UTS2: variants seen among roughly 807,000 people sequenced by gnomAD.
The protein encoded by UTS2 is urotensin 2.
UTS2 carries 10 observed loss-of-function variants against 12.6 expected under a neutral mutation model. The observed-to-expected ratio is 0.80, with a 90% CI of 0.49 to 1.35. UTS2 has a LOEUF of 1.35. UTS2 is among the 40% of genes most tolerant of loss of function. The pLI, the probability that UTS2 is intolerant of heterozygous loss-of-function variation, is 0.00. For synonymous variants in UTS2, 52 were observed against 50.0 expected (o/e 1.04, Z -0.17); for missense variants, 142 against 143.2 (o/e 0.99, Z 0.04).
the UTS2 span, among the ~76,000 whole-genome samples, chr1:7,866,725 G>A: frequency 6.6e-6 from 1 of 152,122 alleles, no homozygotes; most frequent in Non-Finnish European, 1.5e-5. This position sits in a 1 kb window ranked among gnomAD's most constrained non-coding sequence, Gnocchi z 4.5. Context: ...CAGGGGCAGT[G>A]TGTGATGCCA....
At chr1:7,861,708 A>G in the UTS2 span, among the ~76,000 whole-genome samples, 8 of 152,124 alleles carry the variant, frequency 5.3e-5, no homozygotes, top group Middle Eastern at 3.4e-3. Flanking sequence ...GTCCCTCAGG[A>G]AACAGCCCCC....
chr1:7,901,679 G>C, the UTS2 span, among the ~76,000 whole-genome samples: 3 of 151,698 alleles, frequency 2.0e-5, no homozygotes, highest in Non-Finnish European at 4.4e-5. Flanking sequence ...AGCCTGTAAG[G>C]TAGGTGCTAT....
At chr1:7,876,029 G>C in the UTS2 span, among the ~76,000 whole-genome samples, 2 of 152,148 alleles carry the variant, frequency 1.3e-5, no homozygotes, top group African/African-American at 4.8e-5. Flanking sequence ...ACCCACCATA[G>C]ACTGTGCCTG....
At chr1:7,865,978 G>A in the UTS2 span, among the ~76,000 whole-genome samples, 3 of 152,202 alleles carry the variant, frequency 2.0e-5, no homozygotes, top group African/African-American at 7.2e-5. Context: ...TTCTAAGGTA[G>A]GATCTCAACG....
chr1:7,870,122 A>C, the UTS2 span, among the ~76,000 whole-genome samples: 2 of 152,148 alleles, frequency 1.3e-5, no homozygotes, highest in East Asian at 3.9e-4. Context: ...TGAGTTGTGT[A>C]CCCCCAAAAC....
chr1:7,850,974 T>A (rs745380769), intron 1 of UTS2, 52 bp from the exon 2 acceptor site: 8 of 1,571,534 alleles, frequency 5.1e-6, no homozygotes, highest in Non-Finnish European at 7.0e-6. Context: ...CAGTTAGTTA[T>A]TTCTGTTCCT....
At chr1:7,883,470 A>G in the UTS2 span, among the ~76,000 whole-genome samples, 334 of 152,328 alleles carry the variant, frequency 2.2e-3, no homozygotes, top group African/African-American at 7.7e-3. Context: ...ATAGCACAAT[A>G]ATGTAACTAT....
At chr1:7,850,142 G>T (rs764252786) in intron 2 of UTS2, among the ~76,000 whole-genome samples, 12 of 152,020 alleles carry the variant, frequency 7.9e-5, no homozygotes, top group Middle Eastern at 3.4e-3. Context: ...GCTGATATTT[G>T]TATTTTTAGT....
the UTS2 span, among the ~76,000 whole-genome samples, chr1:7,867,358 C>T: frequency 6.6e-6 from 1 of 152,186 alleles, no homozygotes; most frequent in Admixed American, 6.5e-5. Flanking sequence ...GAGAGAGGGC[C>T]TTTAAGGACA....
upstream of UTS2, chr1:7,853,464 G>T (rs1326255940): frequency 6.2e-7 from 1 of 1,603,552 alleles, no homozygotes; most frequent in East Asian, 2.2e-5. Flanking sequence ...TAGATGAGTT[G>T]CCATGCTGTG....
At chr1:7,864,351 C>T in the UTS2 span, among the ~76,000 whole-genome samples, 2 of 152,168 alleles carry the variant, frequency 1.3e-5, no homozygotes, top group Non-Finnish European at 2.9e-5. Context: ...GCCTCCAGGC[C>T]TCTCCGACCT....
the UTS2 span, among the ~76,000 whole-genome samples, chr1:7,873,770 C>T: frequency 1.3e-5 from 2 of 152,122 alleles, no homozygotes; most frequent in Non-Finnish European, 2.9e-5. Flanking sequence ...ATTCCGTAAA[C>T]TTACTTGATA....
chr1:7,891,737 T>C, the UTS2 span, among the ~76,000 whole-genome samples: 1 of 152,102 alleles, frequency 6.6e-6, no homozygotes, highest in Non-Finnish European at 1.5e-5. Context: ...ACCATAAACA[T>C]GTACAATTTT....
At chr1:7,873,965 G>A in the UTS2 span, among the ~76,000 whole-genome samples, 1 of 151,968 alleles carries the variant, frequency 6.6e-6, no homozygotes, top group Non-Finnish European at 1.5e-5. Flanking sequence ...TTCAGCTCAA[G>A]ATGGTGACCA....
upstream of UTS2, among the ~76,000 whole-genome samples, chr1:7,856,443 C>T (rs563938442): frequency 6.6e-6 from 1 of 152,138 alleles, no homozygotes; most frequent in Non-Finnish European, 1.5e-5. Flanking sequence ...GAGCAGGAGC[C>T]GAAAGGAACA....
At chr1:7,851,035 C>G in intron 1 of UTS2, 113 bp from the exon 2 acceptor site, 1 of 988,810 alleles carries the variant, frequency 1.0e-6, no homozygotes, top group Non-Finnish European at 1.5e-6. Context: ...AGAAAAACTT[C>G]CAACGCTGAG....
chr1:7,852,937 G>C lies in UTS2; in HGVS notation c.67C>G (p.Leu23Val). Residue 23 changes from leucine (L) to valine (V), a missense_variant, in exon 1 of 4, where the codon CTC (leucine) becomes GTC (valine). Physicochemically the swap from Leu to Val is conservative, Grantham distance 32. Transcript: ENST00000361696. ...GFLNPLLSLP[L>V]LDSREISFQL... ...AAGGATATTTCCCTGGAGTCAAGGA[G>C]AGGAAGAGATAAGAGAGGATTTAAG... 1.2e-6 allele frequency: 2 copies of C among 1,612,996 alleles called. No individual in the cohort carries two copies.
the UTS2 span, among the ~76,000 whole-genome samples, chr1:7,889,171 C>T: frequency 1.3e-5 from 2 of 150,222 alleles, no homozygotes; most frequent in African/African-American, 4.9e-5. Context: ...TGCCTGCAAT[C>T]CCAGCACTTT....
chr1:7,877,126 C>CAAAAAAAAAAAAAAA, the UTS2 span, among the ~76,000 whole-genome samples: 2 of 62,802 alleles, frequency 3.2e-5, no homozygotes, highest in Admixed American at 2.1e-4. Context: ...GAGACTCTAT[C>CAAAAAAAAAAAAAAA]AAAAAAAAAA....
Sources: gnomAD v4.1 joint callset for allele counts (sites outside exome capture counted in the v4.1 genomes callset) on GRCh38, gnomAD v4.1.1 for gene constraint, Gnocchi (gnomAD v3.1) non-coding constraint, MANE v1.5 for transcripts, NCBI Gene and HGNC (gene_info 2026-07-23, HGNC 2026-07-21) for gene names.